The following DNAJC24 variants were observed in gnomAD, a reference collection of about 807,000 sequenced individuals.
The protein encoded by DNAJC24 is dnaJ homolog subfamily C member 24.
A neutral mutation model predicts 18.0 loss-of-function variants in DNAJC24; 17 were observed. The ratio of observed to expected loss-of-function variants is 0.94; its 90% confidence interval spans 0.65 to 1.42. The LOEUF is 1.42. Among genes scored for constraint, DNAJC24 ranks in the 40% most tolerant of loss-of-function variants. The probability of loss-of-function intolerance (pLI) is 0.00; values close to 1 mark genes in which losing one functional copy is unlikely to be tolerated. For missense variants in DNAJC24, 158 were observed against 175.6 expected (o/e 0.90, Z 0.57); for synonymous variants, 55 against 57.7 (o/e 0.95, Z 0.21).
chr11:31,396,650 C>T (rs1452935530), intron 2 of DNAJC24, among the ~76,000 whole-genome samples: 1 of 152,038 alleles, frequency 6.6e-6, no homozygotes, highest in Non-Finnish European at 1.5e-5. Context: ...TGCCAATCTC[C>T]CTATCTATCC....
At chr11:31,427,978 A>AT (rs1187694138) in intron 4 of DNAJC24, 2 of 150,532 alleles carry the variant, frequency 1.3e-5, no homozygotes, top group Non-Finnish European at 3.0e-5. Flanking sequence ...AAAAAAAAAA[A>AT]TTTAAAAAAA....
rs773273408 is a variant in DNAJC24 at position 31,378,261 on chromosome 11, AT to A, written c.111+7404del. Among the ~76,000 whole-genome samples, 200 of 152,266 alleles carry A rather than the reference AT, an allele frequency of 1.3e-3. 1 individual carries two copies. Among genetic ancestry groups the A allele is most frequent in the Non-Finnish European group, 2.4e-3 (162 of 67,988 alleles). ...AGATATAACTTGTCTTGTAGTTCACATTATAATTTCTGTTACCATAGTTAAC... is the reference window on the plus strand; with the variant it reads ...AGATATAACTTGTCTTGTAGTTCACATATAATTTCTGTTACCATAGTTAAC... On this transcript the variant is annotated intron_variant, in intron 2 of 4. Transcript: ENST00000465995.
At position 31,381,566 on chromosome 11, in the gene DNAJC24, CA is replaced by C. The variant is rs1397156061; in HGVS notation, c.111+10716del. On this transcript the variant is annotated intron_variant, in intron 2 of 4. Coordinates refer to ENST00000465995, the MANE Select transcript of DNAJC24 (RefSeq NM_181706.5). ...GCTATTCATTACTTTTTGGTTATCTCAAAAAAAAATTTTTTTTTTTTTTTTT... is the reference window on the plus strand; with the variant it reads ...GCTATTCATTACTTTTTGGTTATCTCAAAAAAAATTTTTTTTTTTTTTTTT... Among the ~76,000 whole-genome samples, 35 of 149,536 alleles carry C rather than the reference CA, an allele frequency of 2.3e-4. No individual in the cohort carries two copies. The East Asian group carries it at 3.7e-3, about 16-fold the overall frequency.
intron 3 of DNAJC24, among the ~76,000 whole-genome samples, chr11:31,424,960 GT>G (rs574752603): frequency 3.3e-5 from 5 of 151,146 alleles, no homozygotes; most frequent in Non-Finnish European, 5.9e-5. Flanking sequence ...TTTTAGTAGA[GT>G]TTTTTTTTGT....
intron 2 of DNAJC24, among the ~76,000 whole-genome samples, chr11:31,379,376 A>G (rs1952352239): frequency 6.6e-6 from 1 of 152,178 alleles, no homozygotes. Flanking sequence ...GAGGTGGAAC[A>G]GTTTCATTCT....
rs369633823 is a variant in DNAJC24, at chr11:31,424,083, G to T, written c.251-2204G>T. Among the ~76,000 whole-genome samples the T allele has an allele frequency of 2.6e-5, 4 of 152,214 alleles. No individual in the cohort carries two copies. In the South Asian group the frequency reaches 8.3e-4, roughly 32 times the overall value. On this transcript the variant is annotated intron_variant, in intron 3 of 4. Coordinates refer to ENST00000465995, the MANE Select transcript of DNAJC24 (RefSeq NM_181706.5). Reference sequence around the variant, plus strand: ...TCCCAGTAGATTGGCAGTTGTATTTGCAAGTCAGTTCTAATTTATTATTTT... The same window carrying T: ...TCCCAGTAGATTGGCAGTTGTATTTTCAAGTCAGTTCTAATTTATTATTTT...
chr11:31,389,734 A>G (rs1000265286), intron 2 of DNAJC24, among the ~76,000 whole-genome samples: 10 of 152,252 alleles, frequency 6.6e-5, no homozygotes, highest in African/African-American at 2.2e-4. Context: ...CACATGTATC[A>G]TTCTCCAAGA....
intron 2 of DNAJC24, among the ~76,000 whole-genome samples, chr11:31,406,513 C>T (rs1424732520): frequency 6.6e-6 from 1 of 152,162 alleles, no homozygotes; most frequent in Non-Finnish European, 1.5e-5. Context: ...TTTATATATT[C>T]AGTGTTTAAT....
intron 2 of DNAJC24, among the ~76,000 whole-genome samples, chr11:31,389,498 C>A (rs978733896): frequency 8.6e-5 from 13 of 151,986 alleles, no homozygotes; most frequent in African/African-American, 3.1e-4. Context: ...TCTAGAGCAG[C>A]CAGATATATA....
chr11:31,378,158 G>C (rs1232354145), intron 2 of DNAJC24, among the ~76,000 whole-genome samples: 5 of 151,904 alleles, frequency 3.3e-5, no homozygotes, highest in Non-Finnish European at 5.9e-5. Flanking sequence ...AAGAGATCTT[G>C]ATTACAGGAA....
intron 4 of DNAJC24, chr11:31,427,240 A>G (rs1396408962): frequency 6.6e-6 from 1 of 152,208 alleles, no homozygotes; most frequent in African/African-American, 2.4e-5. Flanking sequence ...TTAAATGGCA[A>G]ATTCTTAACT....
At chr11:31,425,940 G>GACAA (rs372147988) in intron 3 of DNAJC24, among the ~76,000 whole-genome samples, 1 of 152,030 alleles carries the variant, frequency 6.6e-6, no homozygotes, top group Admixed American at 6.6e-5. Context: ...TCTGACAAAA[G>GACAA]ACAAACAAAC....
chr11:31,388,651 T>C (rs1952455546), intron 2 of DNAJC24, among the ~76,000 whole-genome samples: 1 of 152,148 alleles, frequency 6.6e-6, no homozygotes. Context: ...AGTACATTAA[T>C]GAGCAATAAG....
chr11:31,386,982 G>T (rs900194022), intron 2 of DNAJC24, among the ~76,000 whole-genome samples: 26 of 152,198 alleles, frequency 1.7e-4, no homozygotes, highest in African/African-American at 6.0e-4. Flanking sequence ...GGCCTGGGAT[G>T]GTGGTGACCA....
At chr11:31,387,400 C>CAG (rs946652533) in intron 2 of DNAJC24, among the ~76,000 whole-genome samples, 5 of 151,800 alleles carry the variant, frequency 3.3e-5, no homozygotes, top group East Asian at 1.9e-4. Context: ...CAGCTTAGCA[C>CAG]AGAGAGAGAG....
At position 31,410,976 on chromosome 11, in the gene DNAJC24, A is replaced by AGGTG. The variant is rs551855005; in HGVS notation, c.112-3834_112-3831dup. Among the ~76,000 whole-genome samples, 42 of 152,324 alleles carry AGGTG rather than the reference A, an allele frequency of 2.8e-4. No individual in the cohort carries two copies. The South Asian group carries it at 8.7e-3, about 32-fold the overall frequency. On this transcript the variant is annotated intron_variant, in intron 2 of 4. Transcript: ENST00000465995. Reference sequence around the variant, plus strand: ...AGATTACATCTGTCTTTTATTTGATAGGTGAATGAATGAAGTGGGACTAGC... The same window carrying AGGTG: ...AGATTACATCTGTCTTTTATTTGATAGGTGGGTGAATGAATGAAGTGGGACTAGC...
At position 31,370,755 on chromosome 11, in the gene DNAJC24, G is replaced by A. The variant is rs753116558; in HGVS notation, c.7G>A (p.Ala3Thr). 4 of 1,605,062 alleles carry A rather than the reference G, an allele frequency of 2.5e-6. No homozygotes were observed. The South Asian group carries it at 4.5e-5, about 18-fold the overall frequency. The change falls in exon 2 of 5, where the codon GCG becomes ACG. Residue 3 changes from alanine to threonine, a missense_variant. Coordinates refer to ENST00000465995, the MANE Select transcript of DNAJC24 (RefSeq NM_181706.5). MM[A>T]VEQMPKKDWY... ...CCCACTTCTGGTTCCATGGATGATG[G>A]CGGTTGAGCAGATGCCAAAAAAGGA...
chr11:31,409,615 A>G (rs1294654808), intron 2 of DNAJC24, among the ~76,000 whole-genome samples: 2 of 152,144 alleles, frequency 1.3e-5, no homozygotes, highest in Non-Finnish European at 2.9e-5. Context: ...TTTCTCTTCT[A>G]TGGATTTAAA....
At chr11:31,406,888 C>T (rs1446809337) in intron 2 of DNAJC24, among the ~76,000 whole-genome samples, 3 of 152,234 alleles carry the variant, frequency 2.0e-5, no homozygotes, top group Admixed American at 1.3e-4. Context: ...AAATTTTTCC[C>T]CTCTCATCCA....
Sources: allele counts gnomAD v4.1 joint callset (sites outside exome capture counted in the v4.1 genomes callset), GRCh38; gene constraint gnomAD v4.1.1; transcripts MANE v1.5; gene names NCBI Gene and HGNC (gene_info 2026-07-23, HGNC 2026-07-21).